Variants in RHBDD1 observed in about 807,000 individuals in gnomAD.
RHBDD1 encodes the protein rhomboid-related protein 4.
Under a neutral mutation model 36.3 loss-of-function variants are expected in RHBDD1, and 38 were observed. That is an observed-to-expected ratio of 1.05 (90% CI 0.81 to 1.37). The LOEUF is 1.37. RHBDD1 is among the 40% of genes most tolerant of loss of function. RHBDD1 has a pLI of 0.00. For synonymous variants in RHBDD1, 151 were observed against 136.5 expected (o/e 1.11, Z -0.74); for missense variants, 393 against 377.6 (o/e 1.04, Z -0.34).
At chr2:226,824,911 G>T in the RHBDD1 span, among the ~76,000 whole-genome samples, 1 of 152,120 alleles carries the variant, frequency 6.6e-6, no homozygotes, top group African/African-American at 2.4e-5. Context: ...ATACATGTGC[G>T]CAAAGGAGGT....
chr2:226,850,936 A>G (rs1942750691), intron 3 of RHBDD1, among the ~76,000 whole-genome samples: 1 of 152,120 alleles, frequency 6.6e-6, no homozygotes, highest in Admixed American at 6.5e-5. Flanking sequence ...GTTTTTCTAA[A>G]TCTACATCCT....
rs1284622714 is a variant in RHBDD1, at chr2:226,947,840, A to T, written c.856+33489A>T. On this transcript the variant is annotated intron_variant, in intron 8 of 8. Coordinates refer to ENST00000392062, the MANE Select transcript of RHBDD1 (RefSeq NM_001167608.3). ...AATGCTCATCATCACTGGCCATCAG[A>T]GAAATGCAAATCAAAACCACTATGA... is the stretch of plus-strand genomic sequence containing the variant. Among the ~76,000 whole-genome samples the T allele has an allele frequency of 3.3e-4, 50 of 152,338 alleles. 1 individual carries two copies. The East Asian group carries it at 9.7e-3, about 29-fold the overall frequency.
At chr2:226,830,827 T>C (rs1378074866), upstream of RHBDD1, among the ~76,000 whole-genome samples, 1 of 152,168 alleles carries the variant, frequency 6.6e-6, no homozygotes, top group Non-Finnish European at 1.5e-5. Flanking sequence ...TGTGTGCCAC[T>C]GTGCCTGCCT....
chr2:226,811,717 A>G, the RHBDD1 span, among the ~76,000 whole-genome samples: 1 of 152,254 alleles, frequency 6.6e-6, no homozygotes, highest in Non-Finnish European at 1.5e-5. Context: ...ACATTCGACC[A>G]GTGCTTTCTA....
intron 8 of RHBDD1, among the ~76,000 whole-genome samples, chr2:226,980,523 C>T (rs1380947393): frequency 6.6e-6 from 1 of 152,122 alleles, no homozygotes; most frequent in Non-Finnish European, 1.5e-5. Flanking sequence ...TCAGATCTAC[C>T]ATCCTGAAGA....
At chr2:226,926,437 C>T (rs907031087) in intron 8 of RHBDD1, among the ~76,000 whole-genome samples, 5 of 151,968 alleles carry the variant, frequency 3.3e-5, no homozygotes, top group South Asian at 2.1e-4. Flanking sequence ...CATACCGTGC[C>T]CTTTTTATGA....
chr2:226,883,174 C>T (rs748344939), intron 5 of RHBDD1, among the ~76,000 whole-genome samples: 6 of 152,312 alleles, frequency 3.9e-5, no homozygotes, highest in East Asian at 3.9e-4. Flanking sequence ...TGAACATCTG[C>T]GTGTATTAAC....
At chr2:226,801,918 G>T in the RHBDD1 span, among the ~76,000 whole-genome samples, 40 of 152,230 alleles carry the variant, frequency 2.6e-4, no homozygotes, top group South Asian at 4.6e-3. Context: ...GATGTTTAGC[G>T]CTGGGATGGG....
chr2:226,840,491 T>C, intron 3 of RHBDD1, among the ~76,000 whole-genome samples: 1 of 152,236 alleles, frequency 6.6e-6, no homozygotes, highest in East Asian at 1.9e-4. Context: ...GGTGATGCAC[T>C]GCACGCTTTA....
the RHBDD1 span, among the ~76,000 whole-genome samples, chr2:226,829,332 A>G: frequency 6.6e-6 from 1 of 152,188 alleles, no homozygotes; most frequent in African/African-American, 2.4e-5. Context: ...CTTCTTTTTC[A>G]AAACTGTTTT....
At chr2:226,966,449 A>G (rs376237667) in intron 8 of RHBDD1, among the ~76,000 whole-genome samples, 11 of 152,328 alleles carry the variant, frequency 7.2e-5, no homozygotes, top group East Asian at 3.9e-4. Flanking sequence ...ATTGTCCAAC[A>G]TGGGAGCCAC....
chr2:226,946,171 T>C (rs1950982593), intron 8 of RHBDD1, among the ~76,000 whole-genome samples: 1 of 152,206 alleles, frequency 6.6e-6, no homozygotes, highest in African/African-American at 2.4e-5. Context: ...CGTTTGTCAA[T>C]TGTGGCTTTT....
rs184627897 is a variant in RHBDD1, at chr2:226,857,271, A to C, written c.-90-7333A>C. Among the ~76,000 whole-genome samples the C allele has an allele frequency of 2.1e-3, 314 of 152,308 alleles. 3 individuals are homozygous for C. Among genetic ancestry groups the C allele is most frequent in the African/African-American group, 7.2e-3 (301 of 41,572 alleles). Reference sequence around the variant, plus strand: ...ACATCCACCAGGATGGCTACAGTAAAAAAAGATGGATAAATACAAGCATTG... The same window carrying C: ...ACATCCACCAGGATGGCTACAGTAACAAAAGATGGATAAATACAAGCATTG... On this transcript the variant is annotated intron_variant, in intron 3 of 8. Coordinates refer to ENST00000392062, the MANE Select transcript of RHBDD1 (RefSeq NM_001167608.3).
At chr2:226,990,324 C>G (rs1159248355) in intron 8 of RHBDD1, among the ~76,000 whole-genome samples, 1 of 152,108 alleles carries the variant, frequency 6.6e-6, no homozygotes, top group African/African-American at 2.4e-5. Context: ...GAACATGGGT[C>G]GCATGCTGCT....
chr2:226,928,740 A>T lies in RHBDD1; in HGVS notation c.856+14389A>T, dbSNP rs189639273. 1.4e-3 allele frequency among the ~76,000 whole-genome samples: 208 copies of T among 152,222 alleles called. 1 individual carries two copies. Among genetic ancestry groups the T allele is most frequent in the Non-Finnish European group, 5.0e-4 (34 of 67,968 alleles). On this transcript the variant is annotated intron_variant, in intron 8 of 8. Transcript: ENST00000392062. The stretch of plus-strand genomic sequence containing the variant: ...GTTGGCTCTTTGAAAAGATAAACAA[A>T]ATCATAGACCGTTAGCTATCTTAAC...
intron 7 of RHBDD1, among the ~76,000 whole-genome samples, chr2:226,911,517 A>G (rs1948512455): frequency 2.5e-5 from 3 of 118,298 alleles, no homozygotes; most frequent in Admixed American, 8.1e-5. Context: ...TTATGTTTTT[A>G]CCATTTGTCC....
intron 2 of RHBDD1, among the ~76,000 whole-genome samples, chr2:226,839,135 T>C (rs542957983): frequency 6.6e-6 from 1 of 152,232 alleles, no homozygotes; most frequent in Non-Finnish European, 1.5e-5. Context: ...TACATGTATT[T>C]CTGTGTGTTT....
intron 5 of RHBDD1, among the ~76,000 whole-genome samples, chr2:226,898,847 A>G (rs1205900772): frequency 6.6e-6 from 1 of 152,208 alleles, no homozygotes; most frequent in African/African-American, 2.4e-5. Flanking sequence ...GAAATCGTGG[A>G]GAGTACAATA....
At chr2:226,917,191 GACA>G (rs902567613) in intron 8 of RHBDD1, among the ~76,000 whole-genome samples, 3 of 151,712 alleles carry the variant, frequency 2.0e-5, no homozygotes, top group Non-Finnish European at 2.9e-5. Context: ...AAGAAAAAAA[GACA>G]CAGGCTACCT....
Sources: allele counts gnomAD v4.1 joint callset (sites outside exome capture counted in the v4.1 genomes callset), GRCh38; gene constraint gnomAD v4.1.1; transcripts MANE v1.5; gene names NCBI Gene and HGNC (gene_info 2026-07-23, HGNC 2026-07-21).